The following CWH43 variants were observed in gnomAD, a reference collection of about 807,000 sequenced individuals.
CWH43 encodes the protein cell wall biogenesis 43 C-terminal homolog, also known as PGAP2-interacting protein.
In CWH43, 91 loss-of-function variants were observed where a neutral mutation model predicts 85.7. That is an observed-to-expected ratio of 1.06 (90% CI 0.90 to 1.26). The LOEUF (loss-of-function observed/expected upper bound fraction) is 1.26. Ranked by LOEUF, CWH43 falls within the 50% of genes most tolerant of loss-of-function variation. CWH43 has a pLI of 0.00. For missense variants in CWH43, 869 were observed against 839.2 expected (o/e 1.04, Z -0.44); for synonymous variants, 323 against 293.6 (o/e 1.10, Z -1.02).
At chr4:49,036,052 C>A (rs1012248567) in intron 12 of CWH43, among the ~76,000 whole-genome samples, 1 of 152,078 alleles carries the variant, frequency 6.6e-6, no homozygotes, top group African/African-American at 2.4e-5. Context: ...GCCTTAAGGC[C>A]GAAGGAACAG....
chr4:49,007,043 A>C lies in CWH43; in HGVS notation c.1061-158A>C, dbSNP rs112484785. 33 of 747,552 alleles carry C rather than the reference A, an allele frequency of 4.4e-5. 1 individual carries two copies. The highest frequency in any genetic ancestry group is 3.8e-4 in the African/African-American group (21 of 54,806). The allele number at this position is 747,552 out of a possible 1,614,324, so 46.3% of individuals were successfully genotyped here. A position where few individuals can be genotyped will look rare whatever the true frequency, so the allele number is the denominator to read the frequency against. On this transcript the variant is annotated intron_variant, in intron 7 of 15. Coordinates refer to ENST00000226432, the MANE Select transcript of CWH43 (RefSeq NM_025087.3). ...TACCTGATATTTTCCAGTTATCAAA[A>C]GCACTACTAGAGTAATTGTTTAGGT...
intron 9 of CWH43, among the ~76,000 whole-genome samples, chr4:49,026,090 CT>C (rs1783908017): frequency 6.6e-6 from 1 of 152,160 alleles, no homozygotes; most frequent in African/African-American, 2.4e-5. Context: ...AGAATTATTG[CT>C]GCCTCTGCTG....
chr4:49,061,677 C>T, intron 15 of CWH43, 135 bp from the exon 16 acceptor site: 1 of 761,006 alleles, frequency 1.3e-6, no homozygotes, highest in Non-Finnish European at 1.8e-6. Context: ...TTTAGTTTGC[C>T]TTTCCTATAT....
chr4:49,028,061 C>T (rs1783974439), intron 9 of CWH43, among the ~76,000 whole-genome samples: 1 of 152,148 alleles, frequency 6.6e-6, no homozygotes, highest in Non-Finnish European at 1.5e-5. Flanking sequence ...TGATTTATTT[C>T]CCATGCAAGA....
intron 8 of CWH43, among the ~76,000 whole-genome samples, chr4:49,011,883 T>A (rs1389979053): frequency 6.6e-6 from 1 of 152,198 alleles, no homozygotes; most frequent in Non-Finnish European, 1.5e-5. Flanking sequence ...TAACCCAACA[T>A]TTCTCTCTGG....
At chr4:49,043,906 A>G (rs1186443359) in intron 13 of CWH43, among the ~76,000 whole-genome samples, 1 of 152,080 alleles carries the variant, frequency 6.6e-6, no homozygotes, top group African/African-American at 2.4e-5. Context: ...ATTATAAACA[A>G]CAATAAAGAT....
chr4:49,045,078 A>G (rs1784583068), intron 14 of CWH43, among the ~76,000 whole-genome samples: 1 of 152,170 alleles, frequency 6.6e-6, no homozygotes, highest in Admixed American at 6.6e-5. Flanking sequence ...TTAATTATAT[A>G]AGAGGGTACT....
At chr4:49,021,115 A>G (rs1345975469) in intron 9 of CWH43, among the ~76,000 whole-genome samples, 1 of 152,206 alleles carries the variant, frequency 6.6e-6, no homozygotes, top group Non-Finnish European at 1.5e-5. Flanking sequence ...GTTCTTGGTC[A>G]TGAAGGCTTT....
rs1185785453 is a variant in CWH43 at position 49,061,904 on chromosome 4, A to G, written c.*14A>G. 2 of 1,343,236 alleles carry G rather than the reference A, an allele frequency of 1.5e-6. No homozygotes were observed. The highest frequency in any genetic ancestry group is 2.8e-5 in the East Asian group (1 of 36,290). 83.2% of individuals were successfully genotyped at this position (1,343,236 alleles called of 1,614,324 possible). A position where few individuals can be genotyped will look rare whatever the true frequency, so the allele number is the denominator to read the frequency against. The stretch of plus-strand genomic sequence containing the variant: ...TACTTTTTATGAAACATTTAAAACA[A>G]GAAGTTATTGGCTGGGAAAATCTAA... On this transcript the variant is annotated 3_prime_UTR_variant, in exon 16 of 16. Coordinates refer to ENST00000226432, the MANE Select transcript of CWH43 (RefSeq NM_025087.3).
chr4:48,993,161 AACTG>A (rs1425262197), intron 4 of CWH43, among the ~76,000 whole-genome samples: 1 of 152,128 alleles, frequency 6.6e-6, no homozygotes, highest in East Asian at 1.9e-4. Flanking sequence ...TCCTTTATAA[AACTG>A]ACTGTTCACC....
At chr4:49,019,682 C>T (rs1057223663) in intron 9 of CWH43, among the ~76,000 whole-genome samples, 17 of 151,854 alleles carry the variant, frequency 1.1e-4, no homozygotes, top group South Asian at 2.1e-4. Context: ...TGGGTTGAAG[C>T]GATTCTCTTG....
chr4:49,011,596 TGGTTGGCGTGTTTTTGCAGGTACC>T (rs1386139164), intron 8 of CWH43, among the ~76,000 whole-genome samples: 1 of 152,104 alleles, frequency 6.6e-6, no homozygotes, highest in Non-Finnish European at 1.5e-5. Flanking sequence ...TGCATGGTAC[TGGTTGGCGTGTTTTTGCAGGTACC>T]GGTTGTTCCT....
At chr4:49,006,881 C>G (rs529226444) in intron 7 of CWH43, among the ~76,000 whole-genome samples, 1 of 152,192 alleles carries the variant, frequency 6.6e-6, no homozygotes, top group Non-Finnish European at 1.5e-5. Context: ...GAAGACTTCA[C>G]TGTCCCCTGC....
rs754972458 is a variant in CWH43 at position 49,044,839 on chromosome 4, G to T, written c.1857G>T (p.Gly619=). ...DRWCEYIMYR[G]LIRLGYARIS... ...GGTGTGAATACATTATGTATCGAGG[G>T]CTGATCAGGTGAGCACAGGGGTTTG... The change falls in exon 14 of 16, where the codon GGG becomes GGT. Residue 619 remains glycine (G), a synonymous_variant. Coordinates refer to ENST00000226432, the MANE Select transcript of CWH43 (RefSeq NM_025087.3). 6.2e-7 allele frequency: 1 copy of T among 1,612,656 alleles called. No homozygotes were observed.
intron 8 of CWH43, among the ~76,000 whole-genome samples, chr4:49,010,036 G>C (rs184184073): frequency 1.3e-5 from 2 of 152,318 alleles, no homozygotes; most frequent in African/African-American, 4.8e-5. Flanking sequence ...GATTGGAATA[G>C]TTTTAGAAGG....
chr4:48,998,552 T>G lies in CWH43; in HGVS notation c.802+4T>G. The G allele has an allele frequency of 1.2e-6, 2 of 1,606,212 alleles. No homozygotes were observed. The highest frequency in any genetic ancestry group is 2.2e-5 in the East Asian group (1 of 44,856). On this transcript the variant is annotated splice_donor_region_variant and intron_variant, in intron 6 of 15. Coordinates refer to ENST00000226432, the MANE Select transcript of CWH43 (RefSeq NM_025087.3). ...GGTTTGATCTGGTGGGTTACAGGTATGTGGAATTTACCTGCAGATAGAACA... is the reference window on the plus strand; with the variant it reads ...GGTTTGATCTGGTGGGTTACAGGTAGGTGGAATTTACCTGCAGATAGAACA...
At chr4:49,030,426 G>A (rs1259621429) in intron 10 of CWH43, among the ~76,000 whole-genome samples, 6 of 152,182 alleles carry the variant, frequency 3.9e-5, no homozygotes, top group African/African-American at 1.2e-4. Flanking sequence ...ATCTAATAAA[G>A]CCAATCAACT....
intron 1 of CWH43, 82 bp from the exon 2 acceptor site, chr4:48,988,395 G>A (rs1475888571): frequency 1.2e-5 from 13 of 1,081,646 alleles, no homozygotes; most frequent in Admixed American, 1.0e-4. Flanking sequence ...CAGCCCAAGC[G>A]GCTGGAGTGG....
intron 12 of CWH43, among the ~76,000 whole-genome samples, chr4:49,036,155 G>T (rs144332213): frequency 6.6e-6 from 1 of 152,154 alleles, no homozygotes; most frequent in Non-Finnish European, 1.5e-5. Flanking sequence ...AGAGGGACTG[G>T]GGAAGGAATC....
Sources: allele counts gnomAD v4.1 joint callset (sites outside exome capture counted in the v4.1 genomes callset), GRCh38; gene constraint gnomAD v4.1.1; transcripts MANE v1.5; gene names NCBI Gene and HGNC (gene_info 2026-07-23, HGNC 2026-07-21).